MYT1L: variants seen among roughly 807,000 people sequenced by gnomAD.
The protein encoded by MYT1L is myelin transcription factor 1 like, also known as myelin transcription factor 1-like protein.
Under a neutral mutation model 126.7 loss-of-function variants are expected in MYT1L, and 12 were observed. The observed-to-expected ratio is 0.09, with a 90% CI of 0.06 to 0.15. The LOEUF is 0.15. Among genes scored for constraint, MYT1L ranks in the 10% least tolerant of loss-of-function variants. The pLI, the probability that MYT1L is intolerant of heterozygous loss-of-function variation, is 1.00. For synonymous variants in MYT1L, 541 were observed against 604.2 expected, an observed-to-expected ratio of 0.90 and a Z score of 1.53; for missense variants, 979 against 1,585.2, an observed-to-expected ratio of 0.62 and a Z score of 6.49.
At chr2:2,070,149 C>T (rs556132265) in intron 3 of MYT1L, among the ~76,000 whole-genome samples, 3 of 152,114 alleles carry the variant, frequency 2.0e-5, no homozygotes, top group African/African-American at 4.8e-5. Flanking sequence ...TCCATTTCTA[C>T]TACATCCCCA....
intron 8 of MYT1L, among the ~76,000 whole-genome samples, chr2:1,961,983 ATATTTAAGGTGATG>A (rs2058997857): frequency 6.6e-6 from 1 of 152,242 alleles, no homozygotes; most frequent in Admixed American, 6.5e-5. Context: ...ATAAAGACAA[ATATTTAAGGTGATG>A]TATATCCCAA....
intron 3 of MYT1L, among the ~76,000 whole-genome samples, chr2:2,058,226 C>A (rs1214826313): frequency 6.6e-5 from 10 of 152,172 alleles, no homozygotes. Flanking sequence ...TAAATTTCAT[C>A]TTTAGTGAAC....
In MYT1L at chr2:2,067,173, A is replaced by G. The variant is rs145641484; in HGVS notation, c.-303-13050T>C. Among the ~76,000 whole-genome samples, 233 of 152,346 alleles carry G rather than the reference A, an allele frequency of 1.5e-3. 1 individual carries two copies. Among genetic ancestry groups the G allele is most frequent in the African/African-American group, 5.2e-3 (217 of 41,586 alleles). On this transcript the variant is annotated intron_variant, in intron 3 of 24. Coordinates refer to ENST00000647738, the MANE Select transcript of MYT1L (RefSeq NM_001303052.2). The stretch of plus-strand genomic sequence containing the variant: ...GGAAAGGGGGGTAGTTCTACCTGAC[A>G]TTAAGAATTATTCTGAAGCTGTAGT...
chr2:2,103,180 AT>A (rs1240441465), intron 3 of MYT1L, among the ~76,000 whole-genome samples: 3 of 152,172 alleles, frequency 2.0e-5, no homozygotes, highest in African/African-American at 7.2e-5. Context: ...GTAAAAAAAA[AT>A]ATTCAGCGCT....
At chr2:1,839,942 G>A (rs1047143758) in intron 20 of MYT1L, among the ~76,000 whole-genome samples, 1 of 152,184 alleles carries the variant, frequency 6.6e-6, no homozygotes, top group African/African-American at 2.4e-5. Flanking sequence ...CACGGGACAG[G>A]TGTGTTCCTG....
At chr2:1,877,642 A>G (rs1164882011) in intron 18 of MYT1L, among the ~76,000 whole-genome samples, 1 of 152,166 alleles carries the variant, frequency 6.6e-6, no homozygotes, top group African/African-American at 2.4e-5. Context: ...AGAGCTGAGG[A>G]ATGGGACCTG....
chr2:2,092,486 G>A (rs2077002941), intron 3 of MYT1L, among the ~76,000 whole-genome samples: 1 of 152,224 alleles, frequency 6.6e-6, no homozygotes, highest in South Asian at 2.1e-4. Context: ...TTGAAATATT[G>A]TAAGAATTTC....
Position 2,227,263 on chromosome 2 carries a change from A to C in MYT1L, c.-420-54275T>G, listed in dbSNP as rs146080020. On this transcript the variant is annotated intron_variant, in intron 2 of 24. Transcript: ENST00000647738. Reference sequence around the variant, plus strand: ...CCATGGGATTAAATATCATCTCTACATGGATGACTCCCAAAGCGTATTTCT... The same window carrying C: ...CCATGGGATTAAATATCATCTCTACCTGGATGACTCCCAAAGCGTATTTCT... 3.6e-3 allele frequency among the ~76,000 whole-genome samples: 548 copies of C among 152,222 alleles called. 2 individuals carry two copies. The highest frequency in any genetic ancestry group is 6.2e-3 in the Non-Finnish European group (422 of 68,022).
At chr2:1,850,845 G>C (rs2043178418) in intron 19 of MYT1L, among the ~76,000 whole-genome samples, 1 of 152,012 alleles carries the variant, frequency 6.6e-6, no homozygotes, top group Non-Finnish European at 1.5e-5. Flanking sequence ...ACCCCAATCT[G>C]CTCCTTGGTT....
chr2:2,018,263 G>T (rs543035554), intron 4 of MYT1L, among the ~76,000 whole-genome samples: 3 of 152,264 alleles, frequency 2.0e-5, no homozygotes, highest in Admixed American at 6.5e-5. Flanking sequence ...TCTGTTGTCT[G>T]CCCTCAGACA....
chr2:1,888,119 GTGT>G (rs968930308), intron 16 of MYT1L, among the ~76,000 whole-genome samples: 1 of 152,192 alleles, frequency 6.6e-6, no homozygotes, highest in Admixed American at 6.5e-5. Flanking sequence ...TTTCCCTTGT[GTGT>G]TCAACTGCAG....
At chr2:2,219,917 T>TTTTTTTTTTTA (rs1195558773) in intron 2 of MYT1L, among the ~76,000 whole-genome samples, 1 of 151,962 alleles carries the variant, frequency 6.6e-6, no homozygotes, top group African/African-American at 2.4e-5. Context: ...GCTATTTCTT[T>TTTTTTTTTTTA]ATGTCACGAA....
At chr2:1,920,924 C>T (rs1039225234) in intron 10 of MYT1L, among the ~76,000 whole-genome samples, 1 of 152,256 alleles carries the variant, frequency 6.6e-6, no homozygotes, top group African/African-American at 2.4e-5. Context: ...GACTGAAACG[C>T]TGTCTGTGCC....
intron 18 of MYT1L, among the ~76,000 whole-genome samples, chr2:1,873,541 C>A (rs938526144): frequency 1.3e-5 from 2 of 152,116 alleles, no homozygotes; most frequent in African/African-American, 4.8e-5. Context: ...CTACAGATGC[C>A]CTCCTGAAAT....
intron 2 of MYT1L, among the ~76,000 whole-genome samples, chr2:2,242,762 C>A (rs2094462841): frequency 6.6e-6 from 1 of 152,158 alleles, no homozygotes; most frequent in Non-Finnish European, 1.5e-5. Context: ...AGTGGGCATA[C>A]ACCTAAATCA....
intron 3 of MYT1L, among the ~76,000 whole-genome samples, chr2:2,081,284 A>C (rs910014709): frequency 1.3e-5 from 2 of 152,162 alleles, no homozygotes; most frequent in Non-Finnish European, 2.9e-5. Context: ...CTCTCCTGTT[A>C]GTTGCATCTT....
At chr2:1,903,968 T>C (rs1029247928) in intron 13 of MYT1L, among the ~76,000 whole-genome samples, 4 of 152,254 alleles carry the variant, frequency 2.6e-5, no homozygotes, top group Non-Finnish European at 5.9e-5. Flanking sequence ...CGCGTGTGTG[T>C]GTCCACCTCT....
chr2:2,135,742 GCCAT>G (rs2148078231), intron 3 of MYT1L, among the ~76,000 whole-genome samples: 2 of 152,312 alleles, frequency 1.3e-5, no homozygotes, highest in East Asian at 3.9e-4. Flanking sequence ...GTGACAGCAT[GCCAT>G]CATCAATGAG....
intron 3 of MYT1L, among the ~76,000 whole-genome samples, chr2:2,100,514 C>T (rs557124911): frequency 6.6e-6 from 1 of 152,110 alleles, no homozygotes; most frequent in African/African-American, 2.4e-5. Context: ...TTCTTGGGAA[C>T]CTAGTCCTTG....
Sources: allele counts gnomAD v4.1 joint callset (sites outside exome capture counted in the v4.1 genomes callset), GRCh38; gene constraint gnomAD v4.1.1; transcripts MANE v1.5; gene names NCBI Gene and HGNC (gene_info 2026-07-23, HGNC 2026-07-21).